Variants in PRKG1 observed in about 807,000 individuals in gnomAD.
PRKG1 encodes protein kinase cGMP-dependent 1, also known as cGMP-dependent protein kinase 1.
PRKG1 carries 35 observed loss-of-function variants against 88.1 expected under a neutral mutation model. The observed-to-expected ratio is 0.40, with a 90% CI of 0.30 to 0.53. PRKG1 has a LOEUF of 0.53. Among genes scored for constraint, PRKG1 ranks in the 20% least tolerant of loss-of-function variants. The pLI, the probability that PRKG1 is intolerant of heterozygous loss-of-function variation, is 0.59. For missense variants in PRKG1, 540 were observed against 839.8 expected (o/e 0.64, Z 4.41); for synonymous variants, 303 against 292.5 (o/e 1.04, Z -0.37).
intron 2 of PRKG1, among the ~76,000 whole-genome samples, chr10:51,192,071 T>C (rs1413225100): frequency 6.6e-6 from 1 of 151,672 alleles, no homozygotes; most frequent in East Asian, 1.9e-4. Flanking sequence ...CATGCACATA[T>C]GCTGAAAAAC....
chr10:52,126,793 G>C (rs1185318568), intron 7 of PRKG1, among the ~76,000 whole-genome samples: 1 of 152,164 alleles, frequency 6.6e-6, no homozygotes, highest in African/African-American at 2.4e-5. Flanking sequence ...ATTTACAGTG[G>C]TCATATTTTG....
At chr10:51,106,181 T>C (rs1844828170) in intron 1 of PRKG1, among the ~76,000 whole-genome samples, 1 of 152,198 alleles carries the variant, frequency 6.6e-6, no homozygotes, top group Non-Finnish European at 1.5e-5. Flanking sequence ...TCAGTTTCCT[T>C]AATGTAAAAT....
At chr10:52,010,586 T>G (rs1844855502) in intron 5 of PRKG1, among the ~76,000 whole-genome samples, 4 of 152,176 alleles carry the variant, frequency 2.6e-5, no homozygotes, top group African/African-American at 9.6e-5. Context: ...GTAACAAACC[T>G]GCACATGAAC....
chr10:52,217,327 C>T (rs1241291276), intron 9 of PRKG1, among the ~76,000 whole-genome samples: 4 of 134,486 alleles, frequency 3.0e-5, no homozygotes, highest in African/African-American at 1.1e-4. Context: ...TACACACACA[C>T]GTACACATTT....
intron 3 of PRKG1, among the ~76,000 whole-genome samples, chr10:51,556,774 A>G (rs1837323234): frequency 6.6e-6 from 1 of 152,034 alleles, no homozygotes; most frequent in Non-Finnish European, 1.5e-5. Flanking sequence ...GTTGGGTACT[A>G]TGGTCACTAC....
intron 1 of PRKG1, among the ~76,000 whole-genome samples, chr10:51,094,968 C>T (rs538777051): frequency 7.9e-5 from 12 of 152,188 alleles, no homozygotes; most frequent in African/African-American, 2.9e-4. Context: ...GCGTAGTATA[C>T]AAATAAAAGC....
intron 5 of PRKG1, among the ~76,000 whole-genome samples, chr10:52,005,927 C>T (rs1431445382): frequency 1.3e-5 from 2 of 151,804 alleles, no homozygotes; most frequent in Non-Finnish European, 2.9e-5. Context: ...TGAGGAGGCC[C>T]TTGGACCACA....
At chr10:51,377,489 G>A (rs1453569831) in intron 2 of PRKG1, among the ~76,000 whole-genome samples, 2 of 152,190 alleles carry the variant, frequency 1.3e-5, no homozygotes, top group African/African-American at 4.8e-5. Flanking sequence ...GCAGCAGCTA[G>A]TGGTAGCCTG....
chr10:51,699,578 G>A (rs1344139756), intron 3 of PRKG1: 7 of 1,583,230 alleles, frequency 4.4e-6, no homozygotes, highest in Admixed American at 1.8e-5. Flanking sequence ...AGCCGATAGC[G>A]GATTCTTCGA....
intron 4 of PRKG1, among the ~76,000 whole-genome samples, chr10:51,812,953 A>G (rs1839494744): frequency 6.6e-6 from 1 of 152,166 alleles, no homozygotes; most frequent in Admixed American, 6.5e-5. Flanking sequence ...TGTGTTCTCC[A>G]TCTTCAAGGT....
chr10:51,940,640 T>G (rs994462984), intron 5 of PRKG1, among the ~76,000 whole-genome samples: 2 of 151,906 alleles, frequency 1.3e-5, no homozygotes, highest in Non-Finnish European at 2.9e-5. Context: ...TACAGAGTCA[T>G]TTAAACATGC....
chr10:51,819,249 CT>C (rs914727644), intron 4 of PRKG1, among the ~76,000 whole-genome samples: 152 of 150,488 alleles, frequency 1.0e-3, no homozygotes, highest in African/African-American at 3.6e-3. Context: ...AGGTGTCAGG[CT>C]TTTTTTTTCT....
chr10:51,789,034 G>A (rs947984837), intron 3 of PRKG1, among the ~76,000 whole-genome samples: 10 of 152,244 alleles, frequency 6.6e-5, no homozygotes, highest in Middle Eastern at 6.8e-3. Flanking sequence ...AAGTCACATC[G>A]TTTAACTTGT....
intron 3 of PRKG1, among the ~76,000 whole-genome samples, chr10:51,722,070 A>G (rs1342292129): frequency 1.3e-5 from 2 of 152,126 alleles, no homozygotes; most frequent in African/African-American, 2.4e-5. Context: ...TCTCTACTGA[A>G]AACACAAAAA....
intron 3 of PRKG1, among the ~76,000 whole-genome samples, chr10:51,617,612 T>C (rs1382582047): frequency 1.3e-5 from 2 of 152,218 alleles, no homozygotes; most frequent in East Asian, 3.9e-4. Flanking sequence ...TTCAGTACAG[T>C]AACGTGCTCT....
intron 1 of PRKG1, among the ~76,000 whole-genome samples, chr10:51,152,645 C>T (rs1481040657): frequency 6.6e-6 from 1 of 151,858 alleles, no homozygotes; most frequent in Non-Finnish European, 1.5e-5. Flanking sequence ...ATGATCCCTG[C>T]TTATGTGGAG....
chr10:51,540,019 A>T (rs945933567), intron 3 of PRKG1, among the ~76,000 whole-genome samples: 7 of 152,312 alleles, frequency 4.6e-5, no homozygotes, highest in Non-Finnish European at 8.8e-5. Context: ...AGCTCAAGAG[A>T]TAAGTGTGTG....
At chr10:51,099,500 C>T (rs1844625828) in intron 1 of PRKG1, among the ~76,000 whole-genome samples, 1 of 151,952 alleles carries the variant, frequency 6.6e-6, no homozygotes, top group Admixed American at 6.6e-5. Context: ...TGTGGGCTCT[C>T]TTGGGAATCT....
At chr10:52,155,679 T>C (rs1206908599) in intron 8 of PRKG1, among the ~76,000 whole-genome samples, 2 of 151,384 alleles carry the variant, frequency 1.3e-5, no homozygotes, top group African/African-American at 4.9e-5. Flanking sequence ...CAATACATCT[T>C]TTATCCCTTA....
Sources: allele counts gnomAD v4.1 joint callset (sites outside exome capture counted in the v4.1 genomes callset), GRCh38; gene constraint gnomAD v4.1.1; transcripts MANE v1.5; gene names NCBI Gene and HGNC (gene_info 2026-07-23, HGNC 2026-07-21).